The following RAB5A variants were observed in gnomAD, a reference collection of about 807,000 sequenced individuals.
RAB5A encodes RAB5A, member RAS oncogene family.
Under a neutral mutation model 25.7 loss-of-function variants are expected in RAB5A, and 8 were observed. The observed-to-expected ratio is 0.31, with a 90% CI of 0.18 to 0.56. The LOEUF is 0.56. Ranked by LOEUF, RAB5A falls within the 20% of genes least tolerant of loss-of-function variation. RAB5A has a pLI of 0.91. For synonymous variants in RAB5A, 98 were observed against 89.8 expected (o/e 1.09, Z -0.52); for missense variants, 192 against 259.7 (o/e 0.74, Z 1.79).
chr3:19,964,701 C>T (rs1485902589), intron 2 of RAB5A, among the ~76,000 whole-genome samples: 2 of 152,134 alleles, frequency 1.3e-5, no homozygotes, highest in East Asian at 1.9e-4. Context: ...GCAACCTCTG[C>T]CTCCCTGGTT....
At chr3:19,947,746 A>C (rs1440213448) in intron 1 of RAB5A, 1 of 152,268 alleles carries the variant, frequency 6.6e-6, no homozygotes, top group Non-Finnish European at 1.5e-5. Context: ...GGACTGACTG[A>C]GGGAGCGACG....
chr3:19,979,036 G>A (rs1302624551), intron 5 of RAB5A: 1 of 152,004 alleles, frequency 6.6e-6, no homozygotes, highest in Admixed American at 6.6e-5. Flanking sequence ...GAGTGCAATG[G>A]TACGATCTCA....
intron 2 of RAB5A, among the ~76,000 whole-genome samples, chr3:19,962,144 C>G (rs1696595090): frequency 6.6e-6 from 1 of 152,118 alleles, no homozygotes; most frequent in African/African-American, 2.4e-5. Context: ...TGACTTTGCT[C>G]CAGAAGTCAC....
At chr3:19,979,286 C>CT (rs780232080) in intron 5 of RAB5A, among the ~76,000 whole-genome samples, 3,354 of 120,276 alleles carry the variant, frequency 0.028, 96 homozygotes, top group African/African-American at 0.087. Context: ...AAGGTACTTT[C>CT]TTTTTTTTTT....
chr3:19,962,117 C>T (rs1696594515), intron 2 of RAB5A, among the ~76,000 whole-genome samples: 1 of 152,198 alleles, frequency 6.6e-6, no homozygotes, highest in South Asian at 2.1e-4. Flanking sequence ...AACACACCTA[C>T]ATGTAGTAGC....
intron 2 of RAB5A, among the ~76,000 whole-genome samples, chr3:19,971,777 G>A (rs985369955): frequency 6.6e-6 from 1 of 152,068 alleles, no homozygotes; most frequent in Non-Finnish European, 1.5e-5. Flanking sequence ...ACCTGGCCCA[G>A]TACAGTGTTA....
chr3:19,970,775 A>G, intron 2 of RAB5A: 1 of 295,394 alleles, frequency 3.4e-6, no homozygotes, highest in Non-Finnish European at 6.8e-6. Context: ...TTATCTTTTC[A>G]GTGGCAGAAT....
At chr3:19,948,497 T>C (rs1038347199) in intron 1 of RAB5A, among the ~76,000 whole-genome samples, 1 of 152,226 alleles carries the variant, frequency 6.6e-6, no homozygotes, top group Admixed American at 6.5e-5. Context: ...ATTTTAACTA[T>C]AGAATGAATA....
chr3:19,956,549 A>G (rs971532112), intron 2 of RAB5A, among the ~76,000 whole-genome samples: 1 of 152,250 alleles, frequency 6.6e-6, no homozygotes, highest in South Asian at 2.1e-4. Flanking sequence ...AGCATGGCCA[A>G]CTAGTTGTTT....
chr3:19,955,502 C>T (rs1285308513), intron 2 of RAB5A, among the ~76,000 whole-genome samples: 1 of 152,152 alleles, frequency 6.6e-6, no homozygotes, highest in East Asian at 1.9e-4. Flanking sequence ...TGGCATGTTA[C>T]GTTTGAGTAG....
At chr3:19,948,113 TTAAA>T (rs1397868781) in intron 1 of RAB5A, among the ~76,000 whole-genome samples, 1 of 152,102 alleles carries the variant, frequency 6.6e-6, no homozygotes, top group Non-Finnish European at 1.5e-5. Context: ...AACTACAGCG[TTAAA>T]TAAATTCAAG....
intron 2 of RAB5A, among the ~76,000 whole-genome samples, chr3:19,966,275 G>T (rs1038886824): frequency 6.6e-6 from 1 of 152,048 alleles, no homozygotes; most frequent in African/African-American, 2.4e-5. Context: ...CACATAAATA[G>T]AATTGTACAG....
intron 2 of RAB5A, among the ~76,000 whole-genome samples, chr3:19,956,440 C>T (rs1347114042): frequency 6.6e-6 from 1 of 152,126 alleles, no homozygotes; most frequent in Non-Finnish European, 1.5e-5. Flanking sequence ...GGCGACAGGG[C>T]GAGACTCCGT....
chr3:19,968,657 C>T (rs1028277160), intron 2 of RAB5A, among the ~76,000 whole-genome samples: 3 of 152,100 alleles, frequency 2.0e-5, no homozygotes, highest in African/African-American at 7.2e-5. Flanking sequence ...GCCAGGGTTT[C>T]ACCATTTTGG....
At position 19,976,189 on chromosome 3, in the gene RAB5A, C is replaced by T. The variant is rs1450741865; in HGVS notation, c.438+20C>T. Reference sequence around the variant, plus strand: ...TTCCAGGTATGTTAAATTTAACTCTCATTTGAAAGGCACTTTTTTCCTGTA... The same window carrying T: ...TTCCAGGTATGTTAAATTTAACTCTTATTTGAAAGGCACTTTTTTCCTGTA... On this transcript the variant is annotated intron_variant, in intron 4 of 5. Transcript: ENST00000273047. 2 of 1,595,256 alleles carry T rather than the reference C, an allele frequency of 1.3e-6. No individual in the cohort carries two copies. Among genetic ancestry groups the T allele is most frequent in the Admixed American group, 1.8e-5 (1 of 55,066 alleles).
chr3:19,952,707 A>G lies in RAB5A; in HGVS notation c.163+1646A>G, dbSNP rs1696441317. 2.0e-5 allele frequency among the ~76,000 whole-genome samples: 3 copies of G among 152,110 alleles called. No homozygotes were observed. In the South Asian group the frequency reaches 6.2e-4, roughly 32 times the overall value. On this transcript the variant is annotated intron_variant, in intron 2 of 5. Coordinates refer to ENST00000273047, the MANE Select transcript of RAB5A (RefSeq NM_004162.5). ...TTTATTTTGAGTCAGAAGTCTTGGC[A>G]TTTTAAAAAATGTTAATACACAATA...
intron 4 of RAB5A, among the ~76,000 whole-genome samples, chr3:19,976,493 C>T (rs936261773): frequency 1.3e-5 from 2 of 152,230 alleles, no homozygotes; most frequent in Admixed American, 1.3e-4. Context: ...CAAGACCAAC[C>T]TAACCAACTT....
chr3:19,982,910 T>C (rs532229876), intron 5 of RAB5A, among the ~76,000 whole-genome samples: 3 of 152,294 alleles, frequency 2.0e-5, no homozygotes, highest in South Asian at 2.1e-4. Context: ...GGGTGATGAT[T>C]GCAAAGGTAT....
chr3:19,960,464 G>A (rs1350104169), intron 2 of RAB5A, among the ~76,000 whole-genome samples: 1 of 151,950 alleles, frequency 6.6e-6, no homozygotes, highest in Non-Finnish European at 1.5e-5. Flanking sequence ...CCTGCCCCCG[G>A]CTAATTTTGT....
Sources: allele counts gnomAD v4.1 joint callset (sites outside exome capture counted in the v4.1 genomes callset), GRCh38; gene constraint gnomAD v4.1.1; transcripts MANE v1.5; gene names NCBI Gene and HGNC (gene_info 2026-07-23, HGNC 2026-07-21).